The following DHRS3 variants were observed in gnomAD, a reference collection of about 807,000 sequenced individuals.
DHRS3 encodes the protein short-chain dehydrogenase/reductase 3.
In DHRS3, 14 loss-of-function variants were observed where a neutral mutation model predicts 27.2. The ratio of observed to expected loss-of-function variants is 0.52; its 90% CI spans 0.34 to 0.81. DHRS3 has a LOEUF of 0.81. Ranked by LOEUF, DHRS3 falls within the 30% of genes least tolerant of loss-of-function variation. The pLI is 0.01. For missense variants in DHRS3, 322 were observed against 406.2 expected, an observed-to-expected ratio of 0.79 and a Z score of 1.78; for synonymous variants, 165 against 175.9, an observed-to-expected ratio of 0.94 and a Z score of 0.49.
intron 3 of DHRS3, 35 bp downstream of exon 3, chr1:12,579,258 G>T (rs1354489286): frequency 3.7e-6 from 6 of 1,613,740 alleles, no homozygotes; most frequent in Admixed American, 1.7e-5. Context: ...CTCCCTGCAC[G>T]CCCGGGGCTG....
Position 12,578,616 on chromosome 1 carries a change from G to T in DHRS3, c.698+102C>A. 1 of 1,234,554 alleles carries T rather than the reference G, an allele frequency of 8.1e-7. No homozygotes were observed. Among genetic ancestry groups the T allele is most frequent in the Non-Finnish European group, 1.2e-6 (1 of 852,906 alleles). The allele number at this position is 1,234,554 out of a possible 1,614,324, so 76.5% of individuals were successfully genotyped here. ...TTATAGGTATGAGGCACCGTGCCTA[G>T]CCCGATTTTTATATCAGAGCTCTTT... On this transcript the variant is annotated intron_variant, in intron 4 of 5. Transcript: ENST00000616661. This position sits in a 1 kb window ranked among gnomAD's most constrained non-coding sequence, Gnocchi z 4.5.
chr1:12,578,129 C>T lies in DHRS3; in HGVS notation c.698+589G>A, dbSNP rs138146188. ...TGTCTCAAGCTCCCTTCGCCCTGCA[C>T]GACGCTGTGGAGGTGCATCTCCCTC... On this transcript the variant is annotated intron_variant, in intron 4 of 5. Coordinates refer to ENST00000616661, the MANE Select transcript of DHRS3 (RefSeq NM_004753.7). The surrounding 1 kb of genome is among the most constrained non-coding windows in gnomAD (Gnocchi z 4.5). 3.3e-4 allele frequency among the ~76,000 whole-genome samples: 51 copies of T among 152,322 alleles called. No individual in the cohort carries two copies. The highest frequency in any genetic ancestry group is 1.1e-3 in the African/African-American group (44 of 41,578).
intron 1 of DHRS3, among the ~76,000 whole-genome samples, chr1:12,612,798 C>T (rs2100727832): frequency 6.6e-6 from 1 of 152,214 alleles, no homozygotes; most frequent in South Asian, 2.1e-4. Context: ...GTGGCTCACA[C>T]CTGTAATCCG....
At chr1:12,595,378 G>C (rs1646786418) in intron 1 of DHRS3, among the ~76,000 whole-genome samples, 1 of 144,504 alleles carries the variant, frequency 6.9e-6, no homozygotes, top group Non-Finnish European at 1.5e-5. Context: ...AAGTCTTTCT[G>C]AAAGTGGGCC....
chr1:12,610,292 T>C lies in DHRS3; in HGVS notation c.195+6862A>G, dbSNP rs141504556. On this transcript the variant is annotated intron_variant, in intron 1 of 5. Coordinates refer to ENST00000616661, the MANE Select transcript of DHRS3 (RefSeq NM_004753.7). ...TTAGTAGAGAAGGAGGGTTTCACCA[T>C]GTTGGGTCAAGCTGGTCTTGAACTC... Among the ~76,000 whole-genome samples the C allele has an allele frequency of 9.0e-3, 1,366 of 151,458 alleles. 20 individuals carry two copies. The highest frequency in any genetic ancestry group is 0.031 in the African/African-American group (1,267 of 41,222).
chr1:12,591,053 G>C lies in DHRS3; in HGVS notation c.196-10387C>G, dbSNP rs1041293729. ...CCACTCAAGGCTGTTTCTAGGGGAG[G>C]AGACAGACATAGAGCTTCGGGTTTT... On this transcript the variant is annotated intron_variant, in intron 1 of 5. Transcript: ENST00000616661. The surrounding 1 kb of genome is among the most constrained non-coding windows in gnomAD (Gnocchi z 4.1). Among the ~76,000 whole-genome samples, 4 of 152,198 alleles carry C rather than the reference G, an allele frequency of 2.6e-5. No individual in the cohort carries two copies. Among genetic ancestry groups the C allele is most frequent in the Admixed American group, 6.5e-5 (1 of 15,280 alleles).
At chr1:12,579,512 G>C in intron 2 of DHRS3, 100 bp from the exon 3 acceptor site, 1 of 1,503,546 alleles carries the variant, frequency 6.7e-7, no homozygotes, top group Non-Finnish European at 8.9e-7. Flanking sequence ...GTCTCACTCT[G>C]TTGTCCAGGC....
rs753679612 is a variant in DHRS3, at chr1:12,591,072, G to A, written c.196-10406C>T. Among the ~76,000 whole-genome samples, 1 of 152,148 alleles carries A rather than the reference G, an allele frequency of 6.6e-6. No homozygotes were observed. The highest frequency in any genetic ancestry group is 1.5e-5 in the Non-Finnish European group (1 of 68,026). On this transcript the variant is annotated intron_variant, in intron 1 of 5. Coordinates refer to ENST00000616661, the MANE Select transcript of DHRS3 (RefSeq NM_004753.7). The surrounding 1 kb of genome is among the most constrained non-coding windows in gnomAD (Gnocchi z 4.1). ...GGGGAGGAGACAGACATAGAGCTTC[G>A]GGTTTTCCAGGCAACCATTACCCCA... is the stretch of plus-strand genomic sequence containing the variant.
At chr1:12,568,523 G>T in intron 5 of DHRS3, 99 bp from the exon 6 acceptor site, 1 of 1,195,760 alleles carries the variant, frequency 8.4e-7, no homozygotes, top group Non-Finnish European at 1.2e-6. Flanking sequence ...GCAGAGGGCT[G>T]GTTCCTGAAA....
In DHRS3 at chr1:12,574,600, T is replaced by C. The variant is rs141610278; in HGVS notation, c.699-1747A>G. ...TACAGGTGTCGTGGGCGGTCTGGAT[T>C]CTCTGGCTTCCACCTGTGGCCTGGC... On this transcript the variant is annotated intron_variant, in intron 4 of 5. Transcript: ENST00000616661. This position sits in a 1 kb window ranked among gnomAD's most constrained non-coding sequence, Gnocchi z 4.6. 3.0e-4 allele frequency among the ~76,000 whole-genome samples: 45 copies of C among 152,296 alleles called. No homozygotes were observed. Among genetic ancestry groups the C allele is most frequent in the African/African-American group, 1.1e-3 (45 of 41,564 alleles).
chr1:12,575,465 G>A (rs1007799588), intron 4 of DHRS3, among the ~76,000 whole-genome samples: 2 of 152,098 alleles, frequency 1.3e-5, no homozygotes, highest in Non-Finnish European at 2.9e-5. Context: ...ACCCTGGGAG[G>A]CTGCTAAGCA....
intron 1 of DHRS3, among the ~76,000 whole-genome samples, chr1:12,598,320 A>G (rs1461439680): frequency 1.3e-5 from 2 of 151,994 alleles, no homozygotes; most frequent in Non-Finnish European, 2.9e-5. Context: ...GGCTGCAATA[A>G]CCTGAGATCG....
At chr1:12,601,239 T>C (rs1319795349) in intron 1 of DHRS3, among the ~76,000 whole-genome samples, 1 of 152,058 alleles carries the variant, frequency 6.6e-6, no homozygotes, top group Non-Finnish European at 1.5e-5. Flanking sequence ...GGGGCTGGTA[T>C]ACCCCTGGCT....
chr1:12,570,396 GT>G (rs988841863), intron 5 of DHRS3, among the ~76,000 whole-genome samples: 5 of 152,202 alleles, frequency 3.3e-5, no homozygotes, highest in African/African-American at 1.2e-4. Context: ...CCCTCAGGCT[GT>G]TTGGTGACTC....
Position 12,617,483 on chromosome 1 carries a change from C to A in DHRS3, c.-135G>T, listed in dbSNP as rs1646952454. The A allele has an allele frequency of 6.3e-6, 3 of 477,704 alleles. No homozygotes were observed. The highest frequency in any genetic ancestry group is 2.2e-5 in the African/African-American group (1 of 46,444). 29.6% of individuals were successfully genotyped at this position (477,704 alleles called of 1,614,324 possible). On this transcript the variant is annotated 5_prime_UTR_variant, in exon 1 of 6. Transcript: ENST00000616661. ...CGTCCCACCTGGCCACTCTTGAAAT[C>A]ACCTCTTCCCAAATGCAAAGCACCG... is the stretch of plus-strand genomic sequence containing the variant.
intron 5 of DHRS3, among the ~76,000 whole-genome samples, chr1:12,569,229 T>A (rs61776826): frequency 0.095 from 13,304 of 139,468 alleles, 1,097 homozygotes; most frequent in African/African-American, 0.23. Flanking sequence ...TCTCTCTCTC[T>A]CTCACACACA....
intron 1 of DHRS3, chr1:12,596,212 C>G (rs75863139): frequency 0.026 from 3,905 of 152,478 alleles, 176 homozygotes; most frequent in African/African-American, 0.089. Context: ...CACCCACCTC[C>G]CTGGAGCGGC....
rs1187335495 is a variant in DHRS3, at chr1:12,591,760, T to C, written c.196-11094A>G. On this transcript the variant is annotated intron_variant, in intron 1 of 5. Coordinates refer to ENST00000616661, the MANE Select transcript of DHRS3 (RefSeq NM_004753.7). The surrounding 1 kb of genome is among the most constrained non-coding windows in gnomAD (Gnocchi z 4.1). ...ACCTCAACTTATGCAATCTGTGCCC[T>C]TGGCCACTGACTTTACCTGCGGGAG... Among the ~76,000 whole-genome samples the C allele has an allele frequency of 6.6e-6, 1 of 152,246 alleles. No homozygotes were observed. Among genetic ancestry groups the C allele is most frequent in the Non-Finnish European group, 1.5e-5 (1 of 68,052 alleles).
intron 2 of DHRS3, chr1:12,580,315 A>G: frequency 3.2e-6 from 2 of 632,106 alleles, no homozygotes; most frequent in African/African-American, 1.8e-5. Flanking sequence ...CCAAGGGAAC[A>G]ACAGATGATT....
Sources: gnomAD v4.1 joint callset for allele counts (sites outside exome capture counted in the v4.1 genomes callset) on GRCh38, gnomAD v4.1.1 for gene constraint, Gnocchi (gnomAD v3.1) non-coding constraint, MANE v1.5 for transcripts, NCBI Gene and HGNC (gene_info 2026-07-23, HGNC 2026-07-21) for gene names.